Variants in DOCK3 observed in about 807,000 individuals in gnomAD.
DOCK3 encodes the protein dedicator of cytokinesis protein 3.
DOCK3 carries 60 observed loss-of-function variants against 265.6 expected under a neutral mutation model. That is an observed-to-expected ratio of 0.23 (90% CI 0.18 to 0.28). DOCK3 has a LOEUF of 0.28. DOCK3 is among the 10% of genes least tolerant of loss of function. The probability of loss-of-function intolerance (pLI) is 1.00; values close to 1 mark genes in which losing one functional copy is unlikely to be tolerated. For missense variants in DOCK3, 1,981 were observed against 2,594.3 expected (o/e 0.76, Z 5.14); for synonymous variants, 881 against 938.0 (o/e 0.94, Z 1.11).
At chr3:51,146,145 C>T (rs2085290310) in intron 9 of DOCK3, among the ~76,000 whole-genome samples, 1 of 152,178 alleles carries the variant, frequency 6.6e-6, no homozygotes, top group African/African-American at 2.4e-5. Context: ...ATTCTTTCAG[C>T]TCTAATATGA....
chr3:50,735,927 T>C (rs1402135172), intron 1 of DOCK3, among the ~76,000 whole-genome samples: 1 of 152,120 alleles, frequency 6.6e-6, no homozygotes, highest in African/African-American at 2.4e-5. Flanking sequence ...ATACTTTAAG[T>C]TCTAGGGTAC....
chr3:51,214,426 C>T (rs1378724768), intron 14 of DOCK3, among the ~76,000 whole-genome samples, 179 bp downstream of exon 14: 4 of 152,166 alleles, frequency 2.6e-5, no homozygotes, highest in Non-Finnish European at 4.4e-5. Context: ...CTCTTATAGG[C>T]ATTTGTTCTT....
chr3:50,764,034 C>T (rs949687874), intron 1 of DOCK3, among the ~76,000 whole-genome samples: 5 of 152,182 alleles, frequency 3.3e-5, no homozygotes, highest in African/African-American at 7.2e-5. Context: ...TTTCCTCGTA[C>T]GACTAGCTAA....
intron 2 of DOCK3, among the ~76,000 whole-genome samples, chr3:50,814,799 A>T (rs1283711496): frequency 1.3e-5 from 2 of 151,816 alleles, no homozygotes; most frequent in African/African-American, 4.8e-5. Context: ...TTAAAATAAC[A>T]TGCTTATATT....
At chr3:50,678,792 C>G (rs2034170081) in intron 1 of DOCK3, among the ~76,000 whole-genome samples, 1 of 136,978 alleles carries the variant, frequency 7.3e-6, no homozygotes, top group Non-Finnish European at 1.6e-5. Context: ...CAGGTGTTTA[C>G]TACCTTGCCT....
At chr3:51,196,088 A>G (rs1340476990) in intron 12 of DOCK3, among the ~76,000 whole-genome samples, 1 of 136,292 alleles carries the variant, frequency 7.3e-6, no homozygotes, top group Non-Finnish European at 1.5e-5. Flanking sequence ...GGCACACTTC[A>G]CCACGCCCAG....
At chr3:51,150,614 C>T (rs1468228971) in intron 10 of DOCK3, among the ~76,000 whole-genome samples, 2 of 151,900 alleles carry the variant, frequency 1.3e-5, no homozygotes, top group Non-Finnish European at 2.9e-5. Context: ...CATTCAGGAG[C>T]AGATTGTTCA....
chr3:50,973,041 G>T lies in DOCK3; in HGVS notation c.315+38964G>T, dbSNP rs186602509. ...ATATTCTTACAATCCGTGGCATTCA[G>T]TGTGTTTCTTTTTTTTTTTTTTTTT... On this transcript the variant is annotated intron_variant, in intron 5 of 52. Coordinates refer to ENST00000266037, the MANE Select transcript of DOCK3 (RefSeq NM_004947.5). Among the ~76,000 whole-genome samples, 7 of 12,548 alleles carry T rather than the reference G, an allele frequency of 5.6e-4. 1 individual carries two copies. In the South Asian group the frequency reaches 7.5e-3, roughly 13 times the overall value. 8.2% of individuals were successfully genotyped at this position (12,548 alleles called of 152,430 possible). A position where few individuals can be genotyped will look rare whatever the true frequency, so the allele number is the denominator to read the frequency against.
chr3:50,765,228 C>T (rs986360962), intron 1 of DOCK3, among the ~76,000 whole-genome samples: 1 of 151,208 alleles, frequency 6.6e-6, no homozygotes, highest in Non-Finnish European at 1.5e-5. Context: ...ATTACAGGCA[C>T]GTGCCACCAT....
chr3:51,264,039 A>G (rs1006918554), intron 23 of DOCK3, among the ~76,000 whole-genome samples: 1 of 152,208 alleles, frequency 6.6e-6, no homozygotes. Context: ...TCAGAACTTG[A>G]AATCAGCTCT....
chr3:51,023,868 T>C (rs2079700781), intron 5 of DOCK3, among the ~76,000 whole-genome samples: 1 of 152,226 alleles, frequency 6.6e-6, no homozygotes, highest in Admixed American at 6.5e-5. Flanking sequence ...TTTTGTCTCA[T>C]TTCAAATATT....
intron 3 of DOCK3, among the ~76,000 whole-genome samples, chr3:50,888,595 A>G (rs530648630): frequency 4.6e-5 from 7 of 152,286 alleles, no homozygotes; most frequent in Non-Finnish European, 8.8e-5. Context: ...GCATCATGCT[A>G]CCTGACTTCA....
At chr3:50,936,713 T>A (rs2051382715) in intron 5 of DOCK3, among the ~76,000 whole-genome samples, 1 of 152,084 alleles carries the variant, frequency 6.6e-6, no homozygotes, top group African/African-American at 2.4e-5. Context: ...AGCAAAAATA[T>A]GCTTCAAGAA....
intron 1 of DOCK3, among the ~76,000 whole-genome samples, chr3:50,730,474 G>A (rs2038128782): frequency 6.6e-6 from 1 of 152,162 alleles, no homozygotes; most frequent in Admixed American, 6.5e-5. Context: ...AACAGAGGAC[G>A]AAACATTTTC....
rs538573637 is a variant in DOCK3, at chr3:51,079,575, A to G, written c.549+4135A>G. On this transcript the variant is annotated intron_variant, in intron 7 of 52. Transcript: ENST00000266037. Reference sequence around the variant, plus strand: ...GCCATGTTGCCCAGGCTAGTCTTCAACTCCTGGGCTCAAGCGATCCTCCCA... The same window carrying G: ...GCCATGTTGCCCAGGCTAGTCTTCAGCTCCTGGGCTCAAGCGATCCTCCCA... Among the ~76,000 whole-genome samples, 4 of 151,646 alleles carry G rather than the reference A, an allele frequency of 2.6e-5. No individual in the cohort carries two copies. The South Asian group carries it at 8.3e-4, about 32-fold the overall frequency.
intron 51 of DOCK3, among the ~76,000 whole-genome samples, chr3:51,376,346 T>C (rs1478113994): frequency 1.3e-5 from 2 of 152,192 alleles, no homozygotes; most frequent in Non-Finnish European, 2.9e-5. Context: ...CCGGTCCTTC[T>C]GTAGCCACTC....
chr3:51,283,219 A>G (rs2081228321), intron 27 of DOCK3, among the ~76,000 whole-genome samples: 1 of 152,208 alleles, frequency 6.6e-6, no homozygotes, highest in Non-Finnish European at 1.5e-5. Context: ...TGGGTAGGAA[A>G]AGCTGAGAGG....
intron 5 of DOCK3, among the ~76,000 whole-genome samples, chr3:51,040,445 C>G (rs2080437212): frequency 6.6e-6 from 1 of 152,116 alleles, no homozygotes; most frequent in Non-Finnish European, 1.5e-5. Flanking sequence ...TAAAAAAATG[C>G]TAATTATCAT....
At chr3:51,366,372 C>T (rs2087169011) in intron 49 of DOCK3, among the ~76,000 whole-genome samples, 5 of 151,884 alleles carry the variant, frequency 3.3e-5, no homozygotes, top group Admixed American at 2.6e-4. Context: ...TTTGATTCTT[C>T]TCTCTTTTCT....
Sources: allele counts gnomAD v4.1 joint callset (sites outside exome capture counted in the v4.1 genomes callset), GRCh38; gene constraint gnomAD v4.1.1; transcripts MANE v1.5; gene names NCBI Gene and HGNC (gene_info 2026-07-23, HGNC 2026-07-21).